Variants in SGCD observed in about 807,000 individuals in gnomAD.
The protein encoded by SGCD is delta-sarcoglycan.
Under a neutral mutation model 36.6 loss-of-function variants are expected in SGCD, and 18 were observed. The observed-to-expected ratio is 0.49, with a 90% confidence interval of 0.34 to 0.73. SGCD has a LOEUF of 0.73. SGCD is among the 30% of genes least tolerant of loss of function. The probability of loss-of-function intolerance (pLI) is 0.01; values close to 1 mark genes in which losing one functional copy is unlikely to be tolerated. For synonymous variants in SGCD, 133 were observed against 130.6 expected, an observed-to-expected ratio of 1.02 and a Z score of -0.12; for missense variants, 387 against 346.7, an observed-to-expected ratio of 1.12 and a Z score of -0.92.
chr5:156,709,833 TC>T (rs10706643), intron 7 of SGCD, among the ~76,000 whole-genome samples: 128,302 of 140,308 alleles, frequency 0.91, 58,673 homozygotes, highest in East Asian at 0.97. Flanking sequence ...TGCCGCCCCC[TC>T]CCCCCCGACG....
intron 3 of SGCD, among the ~76,000 whole-genome samples, chr5:156,158,762 A>G (rs1763021614): frequency 6.6e-6 from 1 of 151,672 alleles, no homozygotes; most frequent in South Asian, 2.1e-4. Context: ...GCAGGCACTT[A>G]GAATTAGGTA....
At chr5:156,116,688 C>T (rs536013567) in intron 1 of SGCD, among the ~76,000 whole-genome samples, 2 of 152,240 alleles carry the variant, frequency 1.3e-5, no homozygotes, top group East Asian at 3.9e-4. Context: ...CTAATCCATG[C>T]TCTATAATGT....
chr5:156,656,674 A>T (rs1763695041), intron 7 of SGCD, among the ~76,000 whole-genome samples: 1 of 152,186 alleles, frequency 6.6e-6, no homozygotes. Flanking sequence ...AACTTTAAAG[A>T]TTGTTACAAA....
intron 3 of SGCD, among the ~76,000 whole-genome samples, chr5:156,392,961 G>C (rs1771659307): frequency 1.3e-5 from 2 of 152,092 alleles, no homozygotes; most frequent in Non-Finnish European, 2.9e-5. Flanking sequence ...GCACAGGATG[G>C]GGGCGTGGCG....
chr5:155,794,058 G>A, the SGCD span, among the ~76,000 whole-genome samples: 19 of 152,006 alleles, frequency 1.2e-4, no homozygotes, highest in Non-Finnish European at 2.4e-4. Context: ...AGACATGCTA[G>A]GATAATGAGC....
chr5:156,379,010 A>G (rs1229574986), intron 3 of SGCD, among the ~76,000 whole-genome samples: 1 of 152,098 alleles, frequency 6.6e-6, no homozygotes, highest in African/African-American at 2.4e-5. Flanking sequence ...ATCTACTTCC[A>G]TTTCATCTAC....
At chr5:155,975,609 C>CCTTTTTTTTTTTTTTTTTTTTTTTTTT (rs1758096365) in intron 1 of SGCD, among the ~76,000 whole-genome samples, 1 of 28,008 alleles carries the variant, frequency 3.6e-5, no homozygotes, top group Non-Finnish European at 6.9e-5. Flanking sequence ...TCTTTCTTTC[C>CCTTTTTTTTTTTTTTTTTTTTTTTTTT]TTTTTTTTTT....
the SGCD span, among the ~76,000 whole-genome samples, chr5:155,805,146 G>T: frequency 6.6e-6 from 1 of 152,184 alleles, no homozygotes; most frequent in Non-Finnish European, 1.5e-5. Context: ...TATGATGAAA[G>T]ATATAAATTT....
chr5:156,030,769 G>C lies in SGCD; in HGVS notation c.-281-87109G>C, dbSNP rs1030408610. Among the ~76,000 whole-genome samples the C allele has an allele frequency of 5.3e-5, 8 of 152,156 alleles. No homozygotes were observed. In the East Asian group the frequency reaches 1.4e-3, roughly 26 times the overall value. ...GGCCCTGGGTCTTGAGAGTGAGCAG[G>C]GTTGGGACATCTAAGGTGCAAAGGA... On this transcript the variant is annotated intron_variant, in intron 1 of 9. Coordinates refer to the SGCD transcript ENST00000517913.
the SGCD span, among the ~76,000 whole-genome samples, chr5:155,788,765 G>A: frequency 6.6e-6 from 1 of 152,058 alleles, no homozygotes. Context: ...TACTTTATTT[G>A]CAGAGGCAGA....
At chr5:156,537,480 C>CACACACACAA (rs1758166599) in intron 4 of SGCD, among the ~76,000 whole-genome samples, 2 of 150,196 alleles carry the variant, frequency 1.3e-5, no homozygotes, top group Non-Finnish European at 3.0e-5. Context: ...CACACACACA[C>CACACACACAA]ACACACACAC....
intron 3 of SGCD, among the ~76,000 whole-genome samples, chr5:156,504,939 T>TATTG (rs1158874302): frequency 2.6e-5 from 4 of 152,226 alleles, no homozygotes; most frequent in Non-Finnish European, 4.4e-5. Context: ...CATGTAATCA[T>TATTG]ATGCGTGTAA....
At chr5:156,689,774 T>G (rs1286609994) in intron 7 of SGCD, among the ~76,000 whole-genome samples, 3 of 152,186 alleles carry the variant, frequency 2.0e-5, no homozygotes, top group Non-Finnish European at 2.9e-5. Context: ...AAGAAGATTA[T>G]TCAAGATTAA....
In SGCD at chr5:156,383,765, A is replaced by C. The variant is rs762303188; in HGVS notation, c.192+39088A>C. ...TTAGAAACTTACATGTCATCACTGC[A>C]GAAGTCTGAAACAGCTGCTTCATTC... On this transcript the variant is annotated intron_variant, in intron 3 of 8. Transcript: ENST00000337851. Among the ~76,000 whole-genome samples the C allele has an allele frequency of 3.5e-4, 54 of 152,192 alleles. 1 individual carries two copies. The highest frequency in any genetic ancestry group is 4.7e-4 in the Non-Finnish European group (32 of 68,036).
intron 3 of SGCD, among the ~76,000 whole-genome samples, chr5:156,218,932 A>G (rs1764649941): frequency 6.6e-6 from 1 of 152,212 alleles, no homozygotes; most frequent in South Asian, 2.1e-4. Flanking sequence ...TGTTTTGTAC[A>G]TAGCAGACTC....
At chr5:156,166,899 G>A (rs1474737636) in intron 3 of SGCD, among the ~76,000 whole-genome samples, 8 of 152,144 alleles carry the variant, frequency 5.3e-5, no homozygotes, top group Admixed American at 3.3e-4. Context: ...CCTGCGGGGC[G>A]AAGACAGCCA....
intron 6 of SGCD, among the ~76,000 whole-genome samples, chr5:156,610,235 T>A (rs1042716787): frequency 1.3e-5 from 2 of 152,224 alleles, no homozygotes; most frequent in Non-Finnish European, 2.9e-5. Flanking sequence ...TGGATGTCCT[T>A]TCTGTTTGTT....
At chr5:155,739,115 T>C in the SGCD span, among the ~76,000 whole-genome samples, 1 of 152,182 alleles carries the variant, frequency 6.6e-6, no homozygotes, top group Non-Finnish European at 1.5e-5. Flanking sequence ...CAATTATTTG[T>C]TGAGATTATT....
chr5:155,834,734 C>T, the SGCD span, among the ~76,000 whole-genome samples: 1 of 152,104 alleles, frequency 6.6e-6, no homozygotes, highest in Non-Finnish European at 1.5e-5. Flanking sequence ...GCATTTCTCT[C>T]CTACACCAAC....
Sources: allele counts gnomAD v4.1 joint callset (sites outside exome capture counted in the v4.1 genomes callset), GRCh38; gene constraint gnomAD v4.1.1; transcripts MANE v1.5; gene names NCBI Gene and HGNC (gene_info 2026-07-23, HGNC 2026-07-21).